The following HLCS variants were observed in gnomAD, a reference collection of about 807,000 sequenced individuals.
The protein encoded by HLCS is biotin--protein ligase.
In HLCS, 53 loss-of-function variants were observed where a neutral mutation model predicts 75.0. That is an observed-to-expected ratio of 0.71 (90% CI 0.57 to 0.89). The LOEUF is 0.89. Ranked by LOEUF, HLCS falls within the 40% of genes least tolerant of loss-of-function variation. The probability of loss-of-function intolerance (pLI) is 0.00; values close to 1 mark genes in which losing one functional copy is unlikely to be tolerated. For missense variants in HLCS, 966 were observed against 1,074.0 expected (o/e 0.90, Z 1.41); for synonymous variants, 431 against 428.6 (o/e 1.01, Z -0.07).
At chr21:36,809,850 C>T (rs192332478) in intron 6 of HLCS, among the ~76,000 whole-genome samples, 34 of 152,288 alleles carry the variant, frequency 2.2e-4, no homozygotes, top group African/African-American at 7.9e-4. Context: ...GCAATCCTCC[C>T]ACCTGAGCCT....
chr21:36,847,530 T>C (rs926890657), intron 6 of HLCS, among the ~76,000 whole-genome samples: 1 of 152,094 alleles, frequency 6.6e-6, no homozygotes, highest in Non-Finnish European at 1.5e-5. Flanking sequence ...GTAATGGATA[T>C]CTAAGGTACT....
In HLCS at chr21:36,783,849, C is replaced by CCACA. The variant is rs146189484; in HGVS notation, c.1893-16568_1893-16565dup. Among the ~76,000 whole-genome samples, 167 of 151,658 alleles carry CCACA rather than the reference C, an allele frequency of 1.1e-3. 2 individuals are homozygous for CCACA. The highest frequency in any genetic ancestry group is 3.8e-3 in the African/African-American group (159 of 41,372). On this transcript the variant is annotated intron_variant, in intron 6 of 10. Coordinates refer to ENST00000674895, the MANE Select transcript of HLCS (RefSeq NM_001352514.2). Reference sequence around the variant, plus strand: ...CACACACACACATACATGCACAAATCCACACACACACACACTTGATTGCCA... The same window carrying CCACA: ...CACACACACACATACATGCACAAATCCACACACACACACACACACTTGATTGCCA...
At chr21:36,926,080 C>A (rs2845813) in intron 5 of HLCS, among the ~76,000 whole-genome samples, 142,714 of 152,276 alleles carry the variant, frequency 0.94, 66,971 homozygotes, top group East Asian at 1. Context: ...GATCGCACCC[C>A]GGACACCCCA....
chr21:36,913,068 C>T lies in HLCS; in HGVS notation c.1621-15937G>A, dbSNP rs762277501. On this transcript the variant is annotated intron_variant, in intron 5 of 10. Transcript: ENST00000674895. ...CCAAGCACTGCTGGGTGCTGTGGAC[C>T]CAAGATCCCCAGTCCTTTCCAGGCG... Among the ~76,000 whole-genome samples, 14 of 152,250 alleles carry T rather than the reference C, an allele frequency of 9.2e-5. No individual in the cohort carries two copies. The South Asian group carries it at 1.7e-3, about 18-fold the overall frequency.
At chr21:36,845,413 G>A (rs2835485) in intron 6 of HLCS, among the ~76,000 whole-genome samples, 14,620 of 152,126 alleles carry the variant, frequency 0.096, 2,349 homozygotes, top group African/African-American at 0.33. Flanking sequence ...AGCATTTGCT[G>A]CTTCTACCCT....
chr21:36,814,999 A>C (rs1247546330), intron 6 of HLCS, among the ~76,000 whole-genome samples: 1 of 149,968 alleles, frequency 6.7e-6, no homozygotes, highest in Non-Finnish European at 1.5e-5. Flanking sequence ...GGCTGAGGGA[A>C]AGGAGGCCAG....
chr21:36,939,096 C>A, intron 2 of HLCS, 102 bp from the exon 3 acceptor site: 1 of 1,038,782 alleles, frequency 9.6e-7, no homozygotes, highest in Non-Finnish European at 1.4e-6. Flanking sequence ...GCTCCTACCA[C>A]TAAATTACAG....
At chr21:36,825,970 C>T (rs1445705952) in intron 6 of HLCS, among the ~76,000 whole-genome samples, 1 of 152,084 alleles carries the variant, frequency 6.6e-6, no homozygotes, top group Non-Finnish European at 1.5e-5. Flanking sequence ...GGAATAGACC[C>T]ACCTGGAAGG....
At chr21:36,914,999 G>A (rs1251393162) in intron 5 of HLCS, among the ~76,000 whole-genome samples, 1 of 152,266 alleles carries the variant, frequency 6.6e-6, no homozygotes, top group Non-Finnish European at 1.5e-5. Context: ...TGCACCCAGA[G>A]GTGCCCATCC....
intron 6 of HLCS, among the ~76,000 whole-genome samples, chr21:36,878,227 G>A (rs1202894960): frequency 1.3e-5 from 2 of 151,850 alleles, no homozygotes; most frequent in Non-Finnish European, 2.9e-5. Flanking sequence ...AGGTCCCTGA[G>A]GCTCTGTTTA....
chr21:36,771,860 G>T (rs2145796624), intron 6 of HLCS, among the ~76,000 whole-genome samples: 1 of 152,118 alleles, frequency 6.6e-6, no homozygotes, highest in Non-Finnish European at 1.5e-5. Context: ...TTAGCCGGGT[G>T]TGGTGGCGGG....
rs2063023349 is a variant in HLCS, at chr21:36,851,977, C to A, written c.1892+44883G>T. 5 of 152,280 alleles carry A rather than the reference C, an allele frequency of 3.3e-5. No homozygotes were observed. In the South Asian group the frequency reaches 1.0e-3, roughly 32 times the overall value. The allele number at this position is 152,280 out of a possible 1,614,324, so 9.4% of individuals were successfully genotyped here. A position where few individuals can be genotyped will look rare whatever the true frequency, so the allele number is the denominator to read the frequency against. Reference sequence around the variant, plus strand: ...TCACGGACGCTAAGCGGGGTTGGGCCTGGCTAGTACTTGCATGGGAGACCA... The same window carrying A: ...TCACGGACGCTAAGCGGGGTTGGGCATGGCTAGTACTTGCATGGGAGACCA... On this transcript the variant is annotated intron_variant, in intron 6 of 10. Transcript: ENST00000674895.
chr21:36,939,684 A>G (rs1194472711), intron 2 of HLCS, among the ~76,000 whole-genome samples: 2 of 152,140 alleles, frequency 1.3e-5, no homozygotes, highest in Non-Finnish European at 2.9e-5. Context: ...AGTTCTTACT[A>G]CAGAAGACCG....
intron 2 of HLCS, among the ~76,000 whole-genome samples, chr21:36,955,644 A>T (rs1433270720): frequency 6.6e-6 from 1 of 152,226 alleles, no homozygotes; most frequent in African/African-American, 2.4e-5. Context: ...ATAGTAAGCT[A>T]AGATTAATTT....
At chr21:36,864,477 T>C (rs1230471107) in intron 6 of HLCS, among the ~76,000 whole-genome samples, 1 of 152,186 alleles carries the variant, frequency 6.6e-6, no homozygotes, top group Non-Finnish European at 1.5e-5. Context: ...AAAATTCTAC[T>C]TCACCCCAAT....
chr21:36,841,684 G>C (rs116439412), intron 6 of HLCS, among the ~76,000 whole-genome samples: 3 of 152,194 alleles, frequency 2.0e-5, no homozygotes, highest in Admixed American at 2.0e-4. Flanking sequence ...TGCAACGTAC[G>C]ATTCTTGTGA....
chr21:36,855,686 C>T (rs1284480572), intron 6 of HLCS, among the ~76,000 whole-genome samples: 5 of 152,096 alleles, frequency 3.3e-5, no homozygotes, highest in Admixed American at 3.3e-4. Flanking sequence ...AGGCGATACT[C>T]CCATCTCAGT....
At chr21:36,786,322 C>A (rs932003273) in intron 6 of HLCS, among the ~76,000 whole-genome samples, 1 of 151,662 alleles carries the variant, frequency 6.6e-6, no homozygotes, top group African/African-American at 2.4e-5. Flanking sequence ...AGTACCATAC[C>A]GCCAAAGGTG....
intron 6 of HLCS, among the ~76,000 whole-genome samples, chr21:36,886,524 T>C (rs1292266539): frequency 2.0e-5 from 3 of 151,680 alleles, no homozygotes; most frequent in Non-Finnish European, 2.9e-5. Context: ...TGCCCTACCC[T>C]GAAGGAGGCC....
Sources: allele counts gnomAD v4.1 joint callset (sites outside exome capture counted in the v4.1 genomes callset), GRCh38; gene constraint gnomAD v4.1.1; transcripts MANE v1.5; gene names NCBI Gene and HGNC (gene_info 2026-07-23, HGNC 2026-07-21).